Variants in HID1 observed in about 807,000 individuals in gnomAD.
HID1 encodes the protein HID1 domain containing.
HID1 carries 42 observed loss-of-function variants against 89.7 expected under a neutral mutation model. The observed-to-expected ratio is 0.47, with a 90% CI of 0.37 to 0.61. HID1 has a LOEUF of 0.61. Among genes scored for constraint, HID1 ranks in the 20% least tolerant of loss-of-function variants. The pLI is 0.00. For synonymous variants in HID1, 442 were observed against 433.8 expected, an observed-to-expected ratio of 1.02 and a Z score of -0.24; for missense variants, 854 against 1,039.3, an observed-to-expected ratio of 0.82 and a Z score of 2.45.
rs1224186419 is a variant in HID1, at chr17:74,959,935, A to G, written c.954T>C (p.Pro318=). The change falls in exon 8 of 19, where the codon CCT becomes CCC. Residue 318 remains proline (P), a splice_region_variant and synonymous_variant. Coordinates refer to ENST00000425042, the MANE Select transcript of HID1 (RefSeq NM_030630.3). This position sits in a 1 kb window ranked among gnomAD's most constrained non-coding sequence, Gnocchi z 4.6. The part of the protein sequence containing the change: ...TTGTAMDDAD[P]PGPENLFVNY... The stretch of plus-strand genomic sequence containing the variant: ...TCACAAACAGGTTCTCAGGGCCTGG[A>G]GGCTGCCAAGAGGAGAAGCCCCTGG... 1.2e-6 allele frequency: 2 copies of G among 1,613,562 alleles called. No homozygotes were observed. The highest frequency in any genetic ancestry group is 1.7e-6 in the Non-Finnish European group (2 of 1,180,038).
At position 74,959,120 on chromosome 17, in the gene HID1, C is replaced by A; in HGVS notation, c.1009-69G>T. On this transcript the variant is annotated intron_variant, in intron 8 of 18. Coordinates refer to ENST00000425042, the MANE Select transcript of HID1 (RefSeq NM_030630.3). The surrounding 1 kb of genome is among the most constrained non-coding windows in gnomAD (Gnocchi z 4.6). Reference sequence around the variant, plus strand: ...TGCAGCTCCAGTTTCCCAGCCCAGGCCCCCAACAAATCCCCCCCTCCATCC... The same window carrying A: ...TGCAGCTCCAGTTTCCCAGCCCAGGACCCCAACAAATCCCCCCCTCCATCC... 2 of 1,451,910 alleles carry A rather than the reference C, an allele frequency of 1.4e-6. No homozygotes were observed. The highest frequency in any genetic ancestry group is 2.4e-5 in the East Asian group (1 of 42,490). 89.9% of individuals were successfully genotyped at this position (1,451,910 alleles called of 1,614,324 possible). A position where few individuals can be genotyped will look rare whatever the true frequency, so the allele number is the denominator to read the frequency against.
At chr17:74,964,705 C>A in intron 1 of HID1, 73 bp from the exon 2 acceptor site, 1 of 1,484,810 alleles carries the variant, frequency 6.7e-7, no homozygotes, top group Admixed American at 2.1e-5. Flanking sequence ...AACTTGTGGC[C>A]AGGAGAGACC....
At chr17:74,967,612 G>T (rs1375067201) in intron 1 of HID1, among the ~76,000 whole-genome samples, 4 of 152,186 alleles carry the variant, frequency 2.6e-5, no homozygotes, top group African/African-American at 9.7e-5. Flanking sequence ...CACTTTGGGA[G>T]GCTGAGGCAG....
intron 1 of HID1, among the ~76,000 whole-genome samples, chr17:74,969,535 T>C (rs562061282): frequency 6.6e-6 from 1 of 152,212 alleles, no homozygotes; most frequent in Non-Finnish European, 1.5e-5. Flanking sequence ...GGCAGGCCCC[T>C]GCTGCTAGGG....
At position 74,958,686 on chromosome 17, in the gene HID1, G is replaced by A. The variant is rs770349124; in HGVS notation, c.1227C>T (p.Ala409=). The A allele has an allele frequency of 1.3e-6, 2 of 1,595,790 alleles. No homozygotes were observed. Among genetic ancestry groups the A allele is most frequent in the South Asian group, 2.2e-5 (2 of 90,594 alleles). The change falls in exon 10 of 19, where the codon GCC becomes GCT. Residue 409 remains alanine, a synonymous_variant. Coordinates refer to ENST00000425042, the MANE Select transcript of HID1 (RefSeq NM_030630.3). The surrounding 1 kb of genome is among the most constrained non-coding windows in gnomAD (Gnocchi z 5.2). ...CCCTGGTCTTACACTGATCGGCCCG[G>A]GCATCGTTGAGGAAGAAGAGGATGG... The part of the protein sequence containing the change: ...LVPILFFLND[A]RADQSRVGLM...
chr17:74,962,598 G>A lies in HID1; in HGVS notation c.505-258C>T, dbSNP rs2039499755. 6.6e-6 allele frequency among the ~76,000 whole-genome samples: 1 copy of A among 152,178 alleles called. No homozygotes were observed. The highest frequency in any genetic ancestry group is 6.5e-5 in the Admixed American group (1 of 15,280). ...CAGTCCAGTTTGGGACAGGGAGAAA[G>A]GGAGGGAGGGGCAGGGGATTGGGTG... is the stretch of plus-strand genomic sequence containing the variant. On this transcript the variant is annotated intron_variant, in intron 4 of 18. Transcript: ENST00000425042. The surrounding 1 kb of genome is among the most constrained non-coding windows in gnomAD (Gnocchi z 4.3).
Position 74,958,840 on chromosome 17 carries a change from C to T in HID1, c.1149+71G>A, listed in dbSNP as rs2039435761. On this transcript the variant is annotated intron_variant, in intron 9 of 18. Coordinates refer to ENST00000425042, the MANE Select transcript of HID1 (RefSeq NM_030630.3). This position sits in a 1 kb window ranked among gnomAD's most constrained non-coding sequence, Gnocchi z 5.2. Reference sequence around the variant, plus strand: ...CTGCCCCACCCCCCTCAGTCTGACACTGTCCCTGCCCCCGGGTTATTGGGG... The same window carrying T: ...CTGCCCCACCCCCCTCAGTCTGACATTGTCCCTGCCCCCGGGTTATTGGGG... 2.5e-6 allele frequency: 4 copies of T among 1,588,334 alleles called. No individual in the cohort carries two copies. The highest frequency in any genetic ancestry group is 1.3e-5 in the African/African-American group (1 of 74,368).
chr17:74,969,094 G>A (rs2039604912), intron 1 of HID1, among the ~76,000 whole-genome samples: 1 of 152,174 alleles, frequency 6.6e-6, no homozygotes, highest in Non-Finnish European at 1.5e-5. Flanking sequence ...GGGTCACTGA[G>A]GCCCCTTAGG....
In HID1 at chr17:74,962,262, G is replaced by C; in HGVS notation, c.583C>G (p.Gln195Glu). ...EAGVGFAHSP[Q>E]PNYIHDMNRM... Reference sequence around the variant, plus strand: ...TTCATATCGTGGATGTAGTTAGGCTGGGGGGAGTGAGCGAAGCCCACACCA... The same window carrying C: ...TTCATATCGTGGATGTAGTTAGGCTCGGGGGAGTGAGCGAAGCCCACACCA... The change falls in exon 5 of 19, where the codon CAG (glutamine) becomes GAG (glutamate). Residue 195 changes from glutamine (Q) to glutamate (E), a missense_variant. Gln to Glu is a conservative substitution (Grantham distance 29). Transcript: ENST00000425042. The surrounding 1 kb of genome is among the most constrained non-coding windows in gnomAD (Gnocchi z 4.3). 6.2e-7 allele frequency: 1 copy of C among 1,609,724 alleles called. No individual in the cohort carries two copies. The highest frequency in any genetic ancestry group is 2.2e-5 in the East Asian group (1 of 44,688).
At chr17:74,969,362 A>G (rs1213485565) in intron 1 of HID1, among the ~76,000 whole-genome samples, 1 of 151,256 alleles carries the variant, frequency 6.6e-6, no homozygotes, top group African/African-American at 2.4e-5. Flanking sequence ...ATTTTTTTGT[A>G]TTTTTAGTAG....
At chr17:74,953,241 C>G (rs1158227696) in intron 15 of HID1, among the ~76,000 whole-genome samples, 155 bp from the exon 16 acceptor site, 3 of 152,222 alleles carry the variant, frequency 2.0e-5, no homozygotes, top group Non-Finnish European at 2.9e-5. Flanking sequence ...CCAGCCCAAC[C>G]TAGTGACAGG....
At position 74,962,051 on chromosome 17, in the gene HID1, C is replaced by T. The variant is rs981572553; in HGVS notation, c.612-62G>A. 2 of 1,309,154 alleles carry T rather than the reference C, an allele frequency of 1.5e-6. No homozygotes were observed. The highest frequency in any genetic ancestry group is 2.1e-6 in the Non-Finnish European group (2 of 960,296). 81.1% of individuals were successfully genotyped at this position (1,309,154 alleles called of 1,614,324 possible). On this transcript the variant is annotated intron_variant, in intron 5 of 18. Coordinates refer to ENST00000425042, the MANE Select transcript of HID1 (RefSeq NM_030630.3). The surrounding 1 kb of genome is among the most constrained non-coding windows in gnomAD (Gnocchi z 4.3). ...AGTCCCCTCTTGGAGGTTCTGCCCA[C>T]CCAGCCCAGCGCCCCAGCCCAGGTC...
chr17:74,956,604 A>G (rs907547164), intron 12 of HID1, among the ~76,000 whole-genome samples: 3 of 152,134 alleles, frequency 2.0e-5, no homozygotes, highest in Non-Finnish European at 4.4e-5. Context: ...GTGAACCAGG[A>G]GGGGAAGGGA....
Position 74,972,670 on chromosome 17 carries a change from G to T in HID1, c.-14C>A. ...GGTCGACCCCATGTCTCTGGAGCCC[G>T]CTCCGGCCCGGCCCCCGCCCAGACT... On this transcript the variant is annotated 5_prime_UTR_variant, in exon 1 of 19. Coordinates refer to ENST00000425042, the MANE Select transcript of HID1 (RefSeq NM_030630.3). This position sits in a 1 kb window ranked among gnomAD's most constrained non-coding sequence, Gnocchi z 6.4. 1 of 1,536,082 alleles carries T rather than the reference G, an allele frequency of 6.5e-7. No homozygotes were observed. The highest frequency in any genetic ancestry group is 8.8e-7 in the Non-Finnish European group (1 of 1,140,092).
rs772439493 is a variant in HID1, at chr17:74,955,844, C to A, written c.1584G>T (p.Leu528=). Residue 528 remains leucine, a synonymous_variant, in exon 13 of 19, where the codon CTG becomes CTT. Coordinates refer to ENST00000425042, the MANE Select transcript of HID1 (RefSeq NM_030630.3). ...FLFSAAQNHH[L]VFFLLEVFNN... ...TGAAGACCTCCAGGAGGAAGAAGAC[C>A]AGGTGGTGGTTCTGGGCGGCAGAGA... is the stretch of plus-strand genomic sequence containing the variant. The A allele has an allele frequency of 1.9e-6, 3 of 1,614,168 alleles. No homozygotes were observed. Among genetic ancestry groups the A allele is most frequent in the Non-Finnish European group, 2.5e-6 (3 of 1,180,032 alleles).
At chr17:74,970,545 A>T (rs762496308) in intron 1 of HID1, among the ~76,000 whole-genome samples, 1 of 152,178 alleles carries the variant, frequency 6.6e-6, no homozygotes, top group African/African-American at 2.4e-5. Context: ...CAGGAAACAC[A>T]GCCAAAGCGG....
chr17:74,972,466 C>CTTGGCGT lies in HID1; in HGVS notation c.66+118_66+124dup, dbSNP rs1278762617. 2 of 926,042 alleles carry CTTGGCGT rather than the reference C, an allele frequency of 2.2e-6. No individual in the cohort carries two copies. Among genetic ancestry groups the CTTGGCGT allele is most frequent in the East Asian group, 5.8e-5 (2 of 34,388 alleles). 57.4% of individuals were successfully genotyped at this position (926,042 alleles called of 1,614,324 possible). A position where few individuals can be genotyped will look rare whatever the true frequency, so the allele number is the denominator to read the frequency against. On this transcript the variant is annotated intron_variant, in intron 1 of 18. Coordinates refer to ENST00000425042, the MANE Select transcript of HID1 (RefSeq NM_030630.3). The surrounding 1 kb of genome is among the most constrained non-coding windows in gnomAD (Gnocchi z 6.4). Reference sequence around the variant, plus strand: ...CGCGGGGTCCCGTTCCGGCGCTGGCCTTGGCGTTACGCTCGGGGCCCGCCC... The same window carrying CTTGGCGT: ...CGCGGGGTCCCGTTCCGGCGCTGGCCTTGGCGTTTGGCGTTACGCTCGGGGCCCGCCC...
intron 1 of HID1, among the ~76,000 whole-genome samples, chr17:74,971,071 G>T (rs920432863): frequency 8.5e-5 from 13 of 152,180 alleles, no homozygotes; most frequent in African/African-American, 3.1e-4. Flanking sequence ...ACAGTATTTT[G>T]GGGAAAAGGC....
In HID1 at chr17:74,963,697, C is replaced by T. The variant is rs747856259; in HGVS notation, c.387+43G>A. On this transcript the variant is annotated intron_variant, in intron 3 of 18. Coordinates refer to ENST00000425042, the MANE Select transcript of HID1 (RefSeq NM_030630.3). ...GCCCTAAAGGGCGCTCTCCCTGTGACGCCAACTCTGCCTCCCACCCAGCCC... is the reference window on the plus strand; with the variant it reads ...GCCCTAAAGGGCGCTCTCCCTGTGATGCCAACTCTGCCTCCCACCCAGCCC... 1.8e-5 allele frequency: 28 copies of T among 1,544,914 alleles called. No individual in the cohort carries two copies. In the Admixed American group the frequency reaches 2.2e-4, roughly 12 times the overall value.
Sources: gnomAD v4.1 joint callset for allele counts (sites outside exome capture counted in the v4.1 genomes callset) on GRCh38, gnomAD v4.1.1 for gene constraint, Gnocchi (gnomAD v3.1) non-coding constraint, MANE v1.5 for transcripts, NCBI Gene and HGNC (gene_info 2026-07-23, HGNC 2026-07-21) for gene names.